Variants in SPATA6 observed in about 807,000 individuals in gnomAD.
The protein encoded by SPATA6 is spermatogenesis associated 6, also known as spermatogenesis-associated protein 6.
A neutral mutation model predicts 65.3 loss-of-function variants in SPATA6; 56 were observed. The ratio of observed to expected loss-of-function variants is 0.86; its 90% CI spans 0.69 to 1.07. The LOEUF is 1.07. Among genes scored for constraint, SPATA6 ranks in the 50% least tolerant of loss-of-function variants. The pLI is 0.00. For synonymous variants in SPATA6, 199 were observed against 213.2 expected (o/e 0.93, Z 0.58); for missense variants, 590 against 594.8 (o/e 0.99, Z 0.08).
chr1:48,465,542 A>G (rs992269956), intron 1 of SPATA6, among the ~76,000 whole-genome samples: 3 of 152,314 alleles, frequency 2.0e-5, no homozygotes, highest in Middle Eastern at 3.4e-3. Flanking sequence ...ACCTATACAT[A>G]TAACTAAACA....
the SPATA6 span, among the ~76,000 whole-genome samples, chr1:48,279,008 G>A: frequency 6.6e-6 from 1 of 152,202 alleles, no homozygotes; most frequent in South Asian, 2.1e-4. Context: ...CAAGCCAGAA[G>A]AGAGTGGGGG....
intron 9 of SPATA6, among the ~76,000 whole-genome samples, chr1:48,382,473 A>T (rs1353704593): frequency 1.1e-4 from 12 of 106,130 alleles, no homozygotes; most frequent in South Asian, 3.7e-4. Context: ...TGTCCCCCCC[A>T]CCTCCCTCCC....
chr1:48,378,820 C>T (rs1570376037), intron 9 of SPATA6, among the ~76,000 whole-genome samples: 1 of 152,060 alleles, frequency 6.6e-6, no homozygotes, highest in Admixed American at 6.5e-5. Context: ...AAGTGGTAAG[C>T]TCATATGGAA....
At chr1:48,430,228 T>C (rs1331996006) in intron 3 of SPATA6, among the ~76,000 whole-genome samples, 1 of 151,998 alleles carries the variant, frequency 6.6e-6, no homozygotes, top group Non-Finnish European at 1.5e-5. Context: ...ATCTTGAAAA[T>C]AGCACAAAAG....
intron 10 of SPATA6, among the ~76,000 whole-genome samples, chr1:48,356,233 A>C (rs1646655528): frequency 6.6e-6 from 1 of 152,108 alleles, no homozygotes; most frequent in Non-Finnish European, 1.5e-5. Context: ...GCTATGAATA[A>C]ATGCATCTAA....
chr1:48,341,587 T>C (rs937743491), intron 11 of SPATA6, among the ~76,000 whole-genome samples: 5 of 152,200 alleles, frequency 3.3e-5, no homozygotes, highest in African/African-American at 1.2e-4. Context: ...GCCATTTGGA[T>C]ATGCCAAAGC....
intron 8 of SPATA6, among the ~76,000 whole-genome samples, chr1:48,393,681 C>G (rs1570433752): frequency 6.6e-6 from 1 of 152,032 alleles, no homozygotes; most frequent in Admixed American, 6.6e-5. Flanking sequence ...GACTGGGTAG[C>G]TTAAAGAACA....
intron 11 of SPATA6, among the ~76,000 whole-genome samples, chr1:48,347,738 A>C (rs1646410098): frequency 6.6e-6 from 1 of 151,840 alleles, no homozygotes; most frequent in South Asian, 2.1e-4. Flanking sequence ...TAACATCACT[A>C]TTGTGAAACC....
chr1:48,469,469 T>C (rs1658060901), intron 1 of SPATA6, among the ~76,000 whole-genome samples: 1 of 22,086 alleles, frequency 4.5e-5, no homozygotes, highest in African/African-American at 1.1e-4. Context: ...AACAAATATC[T>C]ATTTATATAT....
At chr1:48,332,707 A>G (rs905373235) in intron 11 of SPATA6, among the ~76,000 whole-genome samples, 7 of 152,324 alleles carry the variant, frequency 4.6e-5, no homozygotes, top group African/African-American at 1.7e-4. Flanking sequence ...ACCTGAACTC[A>G]ACACTTGACG....
chr1:48,353,188 G>C (rs937091073), intron 11 of SPATA6, among the ~76,000 whole-genome samples: 4 of 151,754 alleles, frequency 2.6e-5, no homozygotes, highest in African/African-American at 9.7e-5. Flanking sequence ...GTAGAATTAA[G>C]ATGCCTGATA....
At chr1:48,414,733 T>C (rs894026612) in intron 3 of SPATA6, among the ~76,000 whole-genome samples, 2 of 152,176 alleles carry the variant, frequency 1.3e-5, no homozygotes, top group African/African-American at 4.8e-5. Context: ...AAAAGCTCTT[T>C]ACCACAGTTC....
chr1:48,290,814 G>C (rs772791826), downstream of SPATA6, among the ~76,000 whole-genome samples: 1 of 152,128 alleles, frequency 6.6e-6, no homozygotes, highest in African/African-American at 2.4e-5. Context: ...AAATATATAT[G>C]CACACAACAC....
intron 3 of SPATA6, among the ~76,000 whole-genome samples, chr1:48,426,269 A>T (rs1023115752): frequency 2.0e-5 from 3 of 152,206 alleles, no homozygotes; most frequent in African/African-American, 7.2e-5. Context: ...CAGTCAATCA[A>T]TTTGAAAAAG....
chr1:48,334,370 T>C (rs1169961022), intron 11 of SPATA6, among the ~76,000 whole-genome samples: 2 of 151,356 alleles, frequency 1.3e-5, no homozygotes, highest in African/African-American at 2.4e-5. Flanking sequence ...TGAACATAGA[T>C]GCAAAAATCC....
chr1:48,263,794 T>A, the SPATA6 span, among the ~76,000 whole-genome samples: 1 of 152,204 alleles, frequency 6.6e-6, no homozygotes, highest in Non-Finnish European at 1.5e-5. Context: ...ACGTTGAAAG[T>A]TCTGTGAGAA....
intron 12 of SPATA6, among the ~76,000 whole-genome samples, chr1:48,302,766 C>A (rs1644970527): frequency 6.6e-6 from 1 of 152,128 alleles, no homozygotes. Context: ...TTCTACCCAA[C>A]CAGGAATAAG....
At chr1:48,374,691 A>G (rs1647684601) in intron 9 of SPATA6, among the ~76,000 whole-genome samples, 1 of 152,190 alleles carries the variant, frequency 6.6e-6, no homozygotes, top group South Asian at 2.1e-4. Context: ...TTATGACAAT[A>G]GATCACTCAA....
At chr1:48,337,755 C>T (rs1229880097) in intron 11 of SPATA6, among the ~76,000 whole-genome samples, 1 of 151,794 alleles carries the variant, frequency 6.6e-6, no homozygotes, top group Non-Finnish European at 1.5e-5. Flanking sequence ...AAATATCAAA[C>T]ATCTAGAGCT....
Sources: allele counts gnomAD v4.1 joint callset (sites outside exome capture counted in the v4.1 genomes callset), GRCh38; gene constraint gnomAD v4.1.1; transcripts MANE v1.5; gene names NCBI Gene and HGNC (gene_info 2026-07-23, HGNC 2026-07-21).